Variants in THOC1 observed in about 807,000 individuals in gnomAD.
The protein encoded by THOC1 is THO complex subunit 1.
In THOC1, 29 loss-of-function variants were observed where a neutral mutation model predicts 97.3. That is an observed-to-expected ratio of 0.30 (90% CI 0.22 to 0.41). The LOEUF is 0.41. THOC1 is among the 10% of genes least tolerant of loss of function. THOC1 has a pLI of 1.00. For missense variants in THOC1, 529 were observed against 761.9 expected (o/e 0.69, Z 3.60); for synonymous variants, 255 against 257.0 (o/e 0.99, Z 0.07).
rs1054262903 is a variant in THOC1 at position 254,747 on chromosome 18, T to C, written c.521-392A>G. On this transcript the variant is annotated intron_variant, in intron 7 of 20. Coordinates refer to ENST00000261600, the MANE Select transcript of THOC1 (RefSeq NM_005131.3). The surrounding 1 kb of genome is among the most constrained non-coding windows in gnomAD (Gnocchi z 4.1). ...TGATCAGTGATCTTTGAGGTTAACA[T>C]TGTCATTGTTTTGCCACAGATTTGT... 7.2e-5 allele frequency among the ~76,000 whole-genome samples: 11 copies of C among 152,196 alleles called. No homozygotes were observed. Among genetic ancestry groups the C allele is most frequent in the Non-Finnish European group, 7.4e-5 (5 of 68,024 alleles).
intron 17 of THOC1, among the ~76,000 whole-genome samples, chr18:220,882 TA>T (rs1911055344): frequency 6.6e-6 from 1 of 152,200 alleles, no homozygotes; most frequent in Non-Finnish European, 1.5e-5. Context: ...TTTTACTTTC[TA>T]CTTCTATGAG....
chr18:231,821 T>G (rs1911495307), intron 11 of THOC1, among the ~76,000 whole-genome samples: 1 of 152,226 alleles, frequency 6.6e-6, no homozygotes, highest in Admixed American at 6.5e-5. Flanking sequence ...AAATAATATA[T>G]GGATGTACTT....
intron 17 of THOC1, among the ~76,000 whole-genome samples, chr18:222,242 CTATTT>C (rs754136593): frequency 4.6e-5 from 7 of 152,072 alleles, no homozygotes; most frequent in Non-Finnish European, 1.0e-4. Context: ...ATAATTATTA[CTATTT>C]TATAACAGTG....
At chr18:216,308 A>G in intron 19 of THOC1, 178 bp downstream of exon 19, 2 of 696,054 alleles carry the variant, frequency 2.9e-6, no homozygotes, top group Non-Finnish European at 4.8e-6. Flanking sequence ...CTTCTTTATC[A>G]ACTCATGTAT....
Position 252,556 on chromosome 18 carries a change from C to T in THOC1, c.660G>A (p.Glu220=). Residue 220 remains glutamate (E), a synonymous_variant, in exon 9 of 21, where the codon GAG becomes GAA. Coordinates refer to ENST00000261600, the MANE Select transcript of THOC1 (RefSeq NM_005131.3). The stretch of plus-strand genomic sequence containing the variant: ...AAACTCACCACGTTGTTGGAGCTTC[C>T]TCGTCTCCCATTTCGCCTTCTTCTA... ...MDVEEGEMGD[E]EAPTTCSIPI... The T allele has an allele frequency of 6.2e-7, 1 of 1,611,300 alleles. No homozygotes were observed. Among genetic ancestry groups the T allele is most frequent in the South Asian group, 1.1e-5 (1 of 90,538 alleles).
chr18:253,901 A>AT (rs1175027780), intron 8 of THOC1, among the ~76,000 whole-genome samples: 19 of 138,462 alleles, frequency 1.4e-4, no homozygotes, highest in African/African-American at 3.0e-4. Flanking sequence ...ATTTACATGA[A>AT]ATTTTTTTTT....
At chr18:238,586 G>GTT (rs1323223945) in intron 11 of THOC1, among the ~76,000 whole-genome samples, 1 of 152,210 alleles carries the variant, frequency 6.6e-6, no homozygotes, top group African/African-American at 2.4e-5. Context: ...GTAAGCAACT[G>GTT]TAACACAATG....
chr18:257,015 C>T (rs1912458125), intron 7 of THOC1, among the ~76,000 whole-genome samples: 1 of 152,136 alleles, frequency 6.6e-6, no homozygotes, highest in South Asian at 2.1e-4. Context: ...CAGTTTTTAG[C>T]AGTATTCTAG....
chr18:214,532 T>C lies in THOC1; in HGVS notation c.*94A>G, dbSNP rs1048741572. 28 of 981,894 alleles carry C rather than the reference T, an allele frequency of 2.9e-5. No homozygotes were observed. The highest frequency in any genetic ancestry group is 4.2e-5 in the Non-Finnish European group (28 of 667,264). 60.8% of individuals were successfully genotyped at this position (981,894 alleles called of 1,614,324 possible). ...GACTGTACAACAATTGTTATAAAAA[T>C]GTTTATTGTTTACCAAAACCAGTGG... On this transcript the variant is annotated 3_prime_UTR_variant, in exon 21 of 21. Coordinates refer to ENST00000261600, the MANE Select transcript of THOC1 (RefSeq NM_005131.3).
intron 11 of THOC1, among the ~76,000 whole-genome samples, chr18:238,359 CAAATT>C (rs1480894087): frequency 6.6e-6 from 1 of 152,154 alleles, no homozygotes; most frequent in East Asian, 1.9e-4. Flanking sequence ...GATACAGTCT[CAAATT>C]AAAAAGTTTT....
intron 1 of THOC1, among the ~76,000 whole-genome samples, chr18:265,863 T>C (rs1424026869): frequency 1.3e-5 from 2 of 152,214 alleles, no homozygotes; most frequent in African/African-American, 2.4e-5. Context: ...TTTTGAAGCT[T>C]CATAGATCCC....
intron 11 of THOC1, among the ~76,000 whole-genome samples, chr18:228,158 T>C (rs1270153868): frequency 6.6e-6 from 1 of 152,130 alleles, no homozygotes; most frequent in Non-Finnish European, 1.5e-5. Flanking sequence ...GACAGGCCCA[T>C]CTCTGCTCCA....
rs1051261865 is a variant in THOC1, at chr18:242,296, G to A, written c.918+4028C>T. ...GTTCGAGACCAGCCTGGCCAACATG[G>A]CAAAAAACCTGTCTCTATTAAAAAT... On this transcript the variant is annotated intron_variant, in intron 11 of 20. Coordinates refer to ENST00000261600, the MANE Select transcript of THOC1 (RefSeq NM_005131.3). The surrounding 1 kb of genome is among the most constrained non-coding windows in gnomAD (Gnocchi z 4.5). Among the ~76,000 whole-genome samples, 1 of 152,074 alleles carries A rather than the reference G, an allele frequency of 6.6e-6. No homozygotes were observed. The highest frequency in any genetic ancestry group is 1.5e-5 in the Non-Finnish European group (1 of 68,006).
In THOC1 at chr18:215,035, T is replaced by C. The variant is rs1598284294; in HGVS notation, c.1679-114A>G. ...CCTTTAGTAGACTTTATTTTAAAAGTAAACAATTATTTTTTATATTCTCCG... is the reference window on the plus strand; with the variant it reads ...CCTTTAGTAGACTTTATTTTAAAAGCAAACAATTATTTTTTATATTCTCCG... On this transcript the variant is annotated intron_variant, in intron 20 of 20. Coordinates refer to ENST00000261600, the MANE Select transcript of THOC1 (RefSeq NM_005131.3). 7.6e-6 allele frequency: 7 copies of C among 924,438 alleles called. No homozygotes were observed. In the East Asian group the frequency reaches 1.8e-4, roughly 23 times the overall value. 57.3% of individuals were successfully genotyped at this position (924,438 alleles called of 1,614,324 possible).
At position 254,286 on chromosome 18, in the gene THOC1, G is replaced by T; in HGVS notation, c.590C>A (p.Thr197Asn). Residue 197 changes from threonine (T) to asparagine (N), a missense_variant, in exon 8 of 21, where the codon ACC becomes AAC. Transcript: ENST00000261600. This position sits in a 1 kb window ranked among gnomAD's most constrained non-coding sequence, Gnocchi z 4.1. ...TVFNTNEQES[T>N]LGQKHTEDRE... ...AATCAGCCTCACCTTCTGACCCAGG[G>T]TGCTTTCCTGCTCATTTGTATTGAA... The T allele has an allele frequency of 6.3e-7, 1 of 1,581,720 alleles. No individual in the cohort carries two copies.
At chr18:247,753 T>C (rs1912142661) in intron 10 of THOC1, 96 bp downstream of exon 10, 1 of 721,594 alleles carries the variant, frequency 1.4e-6, no homozygotes, top group African/African-American at 1.8e-5. Context: ...AGAGGCAGAA[T>C]TACATAGTGA....
chr18:241,883 A>G (rs971189728), intron 11 of THOC1, among the ~76,000 whole-genome samples: 2 of 152,182 alleles, frequency 1.3e-5, no homozygotes, highest in African/African-American at 4.8e-5. Flanking sequence ...TCCTGGACTA[A>G]CCTTAAAGAA....
chr18:229,212 C>T (rs539383971), intron 11 of THOC1, among the ~76,000 whole-genome samples: 1 of 152,170 alleles, frequency 6.6e-6, no homozygotes, highest in Non-Finnish European at 1.5e-5. Context: ...GTATCTACAA[C>T]CTATTCTTTC....
chr18:254,434 A>G lies in THOC1; in HGVS notation c.521-79T>C, dbSNP rs1024571931. On this transcript the variant is annotated intron_variant, in intron 7 of 20. Coordinates refer to ENST00000261600, the MANE Select transcript of THOC1 (RefSeq NM_005131.3). The surrounding 1 kb of genome is among the most constrained non-coding windows in gnomAD (Gnocchi z 4.1). The stretch of plus-strand genomic sequence containing the variant: ...ATGTATAACTTGTGTCATAATCAAA[A>G]CTACAAAATGCCAAATCCATAAAGA... The G allele has an allele frequency of 2.3e-6, 2 of 859,658 alleles. No homozygotes were observed. The highest frequency in any genetic ancestry group is 3.4e-5 in the African/African-American group (2 of 59,066). The allele number at this position is 859,658 out of a possible 1,614,324, so 53.3% of individuals were successfully genotyped here. A position where few individuals can be genotyped will look rare whatever the true frequency, so the allele number is the denominator to read the frequency against.
Sources: allele counts gnomAD v4.1 joint callset (sites outside exome capture counted in the v4.1 genomes callset), GRCh38; gene constraint gnomAD v4.1.1; non-coding constraint Gnocchi (gnomAD v3.1); transcripts MANE v1.5; gene names NCBI Gene and HGNC (gene_info 2026-07-23, HGNC 2026-07-21).